CRLF1: variants seen among roughly 807,000 people sequenced by gnomAD.
The protein encoded by CRLF1 is cytokine receptor like factor 1, also known as cytokine receptor-like factor 1.
CRLF1 carries 36 observed loss-of-function variants against 48.9 expected under a neutral mutation model. The ratio of observed to expected loss-of-function variants is 0.74; its 90% CI spans 0.56 to 0.97. The LOEUF (loss-of-function observed/expected upper bound fraction) is 0.97. Among genes scored for constraint, CRLF1 ranks in the 50% least tolerant of loss-of-function variants. The pLI is 0.00. For missense variants in CRLF1, 534 were observed against 575.1 expected (o/e 0.93, Z 0.73); for synonymous variants, 256 against 253.4 (o/e 1.01, Z -0.10).
intron 1 of CRLF1, among the ~76,000 whole-genome samples, chr19:18,601,500 C>T (rs773389082): frequency 4.6e-5 from 7 of 152,204 alleles, no homozygotes; most frequent in Non-Finnish European, 7.3e-5. Context: ...TGGTTTCGAA[C>T]TCCTGACCTT....
intron 6 of CRLF1, among the ~76,000 whole-genome samples, chr19:18,595,198 C>T (rs1473445847): frequency 3.3e-5 from 5 of 152,232 alleles, no homozygotes; most frequent in African/African-American, 1.2e-4. Context: ...CCCCGGCCCC[C>T]GCCGCCCCTG....
chr19:18,593,405 G>A lies in CRLF1; in HGVS notation c.*161C>T. The A allele has an allele frequency of 2.0e-6, 2 of 981,758 alleles. No individual in the cohort carries two copies. Among genetic ancestry groups the A allele is most frequent in the Non-Finnish European group, 1.5e-6 (1 of 661,122 alleles). The allele number at this position is 981,758 out of a possible 1,614,324, so 60.8% of individuals were successfully genotyped here. On this transcript the variant is annotated 3_prime_UTR_variant, in exon 9 of 9. Coordinates refer to ENST00000392386, the MANE Select transcript of CRLF1 (RefSeq NM_004750.5). The stretch of plus-strand genomic sequence containing the variant: ...GGGGTGCACCCAAAGGTGGCCTCAC[G>A]TGGGAGTCAGAGCTGTTATGGCCGT...
At position 18,605,558 on chromosome 19, in the gene CRLF1, G is replaced by A. The variant is rs377072111; in HGVS notation, c.115+984C>T. 5.7e-4 allele frequency among the ~76,000 whole-genome samples: 87 copies of A among 152,350 alleles called. 2 individuals are homozygous for A. Among genetic ancestry groups the A allele is most frequent in the African/African-American group, 1.9e-3 (79 of 41,582 alleles). On this transcript the variant is annotated intron_variant, in intron 1 of 8. Coordinates refer to ENST00000392386, the MANE Select transcript of CRLF1 (RefSeq NM_004750.5). ...TGTGACCGTGAATGTGTGTGTCGGG[G>A]ATGGAATGTGTGTGCGTCCGCGATG...
At chr19:18,594,463 A>T in intron 6 of CRLF1, 29 bp from the exon 7 acceptor site, 1 of 1,326,654 alleles carries the variant, frequency 7.5e-7, no homozygotes, top group Non-Finnish European at 9.6e-7. Context: ...GCAGTGTCAG[A>T]GCGCGCCCGG....
At position 18,596,704 on chromosome 19, in the gene CRLF1, G is replaced by A; in HGVS notation, c.942C>T (p.Asn314=). Reference sequence around the variant, plus strand: ...TCTTGGAGCCATAGATGCCAAAGGGGTTGCAGCGCACTTGCACGAAGTACA... The same window carrying A: ...TCTTGGAGCCATAGATGCCAAAGGGATTGCAGCGCACTTGCACGAAGTACA... ...GTVYFVQVRC[N]PFGIYGSKKA... is the part of the protein sequence containing the mutation. The change falls in exon 6 of 9, where the codon AAC becomes AAT. Residue 314 remains asparagine, a synonymous_variant. Coordinates refer to ENST00000392386, the MANE Select transcript of CRLF1 (RefSeq NM_004750.5). 5 of 1,614,140 alleles carry A rather than the reference G, an allele frequency of 3.1e-6. No homozygotes were observed. Among genetic ancestry groups the A allele is most frequent in the Non-Finnish European group, 4.2e-6 (5 of 1,180,032 alleles).
intron 6 of CRLF1, among the ~76,000 whole-genome samples, chr19:18,594,724 G>T (rs1976107939): frequency 6.6e-6 from 1 of 151,966 alleles, no homozygotes; most frequent in African/African-American, 2.4e-5. Context: ...GGAGTGGGGG[G>T]AGGGGAGAAT....
At chr19:18,603,999 GC>G in intron 1 of CRLF1, among the ~76,000 whole-genome samples, 1 of 152,194 alleles carries the variant, frequency 6.6e-6, no homozygotes, top group Non-Finnish European at 1.5e-5. Flanking sequence ...CAGCGTCTCT[GC>G]CCCGGCCCAC....
chr19:18,596,676 C>A lies in CRLF1; in HGVS notation c.970G>T (p.Ala324Ser). Residue 324 changes from alanine to serine, a missense_variant, in exon 6 of 9, where the codon GCC becomes TCC. Physicochemically the swap from Ala to Ser is moderately conservative, Grantham distance 99. Around this residue, in one of 2 missense-constraint regions of CRLF1, gnomAD observed 528 missense variants for 555.7 expected, o/e 0.95. Coordinates refer to ENST00000392386, the MANE Select transcript of CRLF1 (RefSeq NM_004750.5). ...NPFGIYGSKK[A>S]GIWSEWSHPT... ...TGGCTCCACTCACTCCAGATCCCGG[C>A]TTTCTTGGAGCCATAGATGCCAAAG... 6.2e-7 allele frequency: 1 copy of A among 1,614,104 alleles called. No homozygotes were observed. The highest frequency in any genetic ancestry group is 8.5e-7 in the Non-Finnish European group (1 of 1,180,040).
At position 18,599,756 on chromosome 19, in the gene CRLF1, G is replaced by T; in HGVS notation, c.206C>A (p.Ala69Asp). 1 of 1,598,998 alleles carries T rather than the reference G, an allele frequency of 6.3e-7. No homozygotes were observed. The highest frequency in any genetic ancestry group is 8.5e-7 in the Non-Finnish European group (1 of 1,172,576). Residue 69 changes from alanine to aspartate, a missense_variant, in exon 2 of 9, where the codon GCC (alanine) becomes GAC (aspartate). Ala to Asp is a moderately radical substitution (Grantham distance 126). Transcript: ENST00000392386. ...TCSVHGDPPG[A>D]TAEGLYWTLN... ...GGTCCAGTAGAGGCCCTCGGCGGTG[G>T]CTCCTGGTGGGTCTCCGTGCACTGA...
chr19:18,602,930 C>T (rs1422512246), intron 1 of CRLF1, among the ~76,000 whole-genome samples: 2 of 152,128 alleles, frequency 1.3e-5, no homozygotes, highest in African/African-American at 4.8e-5. Context: ...AGGCTGGTCT[C>T]GAACTCTTGA....
intron 6 of CRLF1, among the ~76,000 whole-genome samples, chr19:18,596,389 A>G (rs1185662558): frequency 6.6e-6 from 1 of 152,036 alleles, no homozygotes; most frequent in East Asian, 1.9e-4. Flanking sequence ...AAAATACAAA[A>G]ATTAGCTGTG....
chr19:18,593,711 C>T (rs1976087304), intron 8 of CRLF1, 132 bp from the exon 9 acceptor site: 1 of 1,529,266 alleles, frequency 6.5e-7, no homozygotes, highest in African/African-American at 1.4e-5. Flanking sequence ...AGGGTCCTGC[C>T]CCTCTCCGGG....
chr19:18,594,031 C>CGG, intron 8 of CRLF1, 34 bp downstream of exon 8: 21 of 1,299,820 alleles, frequency 1.6e-5, no homozygotes, highest in Non-Finnish European at 2.2e-5. Context: ...CCTCCCCTTG[C>CGG]TCCCTCCCGC....
intron 1 of CRLF1, among the ~76,000 whole-genome samples, chr19:18,601,564 C>T (rs914630861): frequency 2.0e-5 from 3 of 152,018 alleles, no homozygotes; most frequent in African/African-American, 4.8e-5. Context: ...GGTGAACCAC[C>T]GCGCCCAGCC....
intron 1 of CRLF1, among the ~76,000 whole-genome samples, chr19:18,602,783 CTT>C (rs796747894): frequency 6.2e-5 from 9 of 145,690 alleles, no homozygotes; most frequent in Admixed American, 6.8e-5. Context: ...CAGTGTTCTA[CTT>C]TTTTTTTTTT....
intron 4 of CRLF1, among the ~76,000 whole-genome samples, chr19:18,597,996 C>T (rs1022846229): frequency 6.6e-6 from 1 of 152,132 alleles, no homozygotes; most frequent in African/African-American, 2.4e-5. Flanking sequence ...AAGGCACAGG[C>T]CTGCTTGGGG....
intron 6 of CRLF1, among the ~76,000 whole-genome samples, chr19:18,595,395 A>G (rs1976119637): frequency 6.6e-6 from 1 of 152,038 alleles, no homozygotes; most frequent in Admixed American, 6.6e-5. Flanking sequence ...CTGGAGCCTG[A>G]CTCTACCCCT....
At chr19:18,604,996 G>A (rs960020245) in intron 1 of CRLF1, among the ~76,000 whole-genome samples, 5 of 152,110 alleles carry the variant, frequency 3.3e-5, no homozygotes, top group Admixed American at 1.3e-4. Flanking sequence ...CCCATCTCCC[G>A]TCCCGCTGGT....
intron 6 of CRLF1, among the ~76,000 whole-genome samples, chr19:18,594,815 C>T (rs974799514): frequency 1.3e-5 from 2 of 151,944 alleles, no homozygotes; most frequent in African/African-American, 4.8e-5. Context: ...GGGAGAAAGA[C>T]GCACGGATGA....
Sources: allele counts gnomAD v4.1 joint callset (sites outside exome capture counted in the v4.1 genomes callset), GRCh38; gene constraint gnomAD v4.1.1; regional missense constraint gnomAD v4.1.1; transcripts MANE v1.5; gene names NCBI Gene and HGNC (gene_info 2026-07-23, HGNC 2026-07-21).